ERC1: variants seen among roughly 807,000 people sequenced by gnomAD.
The protein encoded by ERC1 is RAB6 interacting protein 2.
ERC1 carries 56 observed loss-of-function variants against 132.0 expected under a neutral mutation model. The observed-to-expected ratio is 0.42, with a 90% CI of 0.34 to 0.53. ERC1 has a LOEUF of 0.53. ERC1 is among the 20% of genes least tolerant of loss of function. The pLI is 0.03. For missense variants in ERC1, 1,202 were observed against 1,349.9 expected (o/e 0.89, Z 1.72); for synonymous variants, 478 against 476.1 (o/e 1.00, Z -0.05).
intron 17 of ERC1, among the ~76,000 whole-genome samples, chr12:1,435,598 G>A (rs937171325): frequency 3.3e-5 from 5 of 152,064 alleles, no homozygotes; most frequent in African/African-American, 7.2e-5. Context: ...CAAAGTTCTT[G>A]GGCCACTATT....
chr12:1,115,601 C>A, intron 6 of ERC1: 1 of 331,280 alleles, frequency 3.0e-6, no homozygotes, highest in South Asian at 5.2e-5. Flanking sequence ...CCTCCATTCC[C>A]TTTCTAAGAG....
At chr12:1,460,073 A>C (rs1316102791) in intron 18 of ERC1, among the ~76,000 whole-genome samples, 1 of 152,212 alleles carries the variant, frequency 6.6e-6, no homozygotes, top group Non-Finnish European at 1.5e-5. Context: ...AATAGACTTA[A>C]AGATTTCTGT....
intron 13 of ERC1, among the ~76,000 whole-genome samples, chr12:1,256,131 T>A: frequency 6.6e-6 from 1 of 152,164 alleles, no homozygotes; most frequent in East Asian, 1.9e-4. Context: ...CTTTGTAGAT[T>A]CTGGATATTA....
intron 8 of ERC1, among the ~76,000 whole-genome samples, chr12:1,167,936 G>T (rs1408226410): frequency 1.3e-5 from 2 of 151,788 alleles, no homozygotes; most frequent in African/African-American, 2.4e-5. Context: ...GGATGCTCTC[G>T]ATCTCCTGAC....
At chr12:1,122,576 T>TTG in intron 7 of ERC1, among the ~76,000 whole-genome samples, 1 of 136,200 alleles carries the variant, frequency 7.3e-6, no homozygotes, top group African/African-American at 3.1e-5. Flanking sequence ...TCTGTGTCTC[T>TTG]ATCTCTATCT....
chr12:1,488,789 A>G (rs150949195), intron 18 of ERC1, among the ~76,000 whole-genome samples: 161 of 152,286 alleles, frequency 1.1e-3, no homozygotes, highest in African/African-American at 3.4e-3. Flanking sequence ...ATTGTCAGAA[A>G]TGATTCTCCA....
chr12:1,312,865 A>G (rs1566561234), intron 15 of ERC1, among the ~76,000 whole-genome samples: 1 of 152,026 alleles, frequency 6.6e-6, no homozygotes, highest in African/African-American at 2.4e-5. Context: ...TCCTGCAGCC[A>G]CTTTCACTGT....
chr12:1,035,894 C>T (rs981609868), intron 2 of ERC1, among the ~76,000 whole-genome samples: 4 of 151,452 alleles, frequency 2.6e-5, no homozygotes, highest in African/African-American at 7.3e-5. Context: ...TGCACTCCAG[C>T]CTGGGAGACA....
rs913032027 is a variant in ERC1, at chr12:1,263,072, G to A, written c.2526G>A (p.Leu842=). The part of the protein sequence containing the change: ...LRKKDDRIEE[L]EEALRESVQI... ...AGAAGGATGACAGGATTGAAGAGCT[G>A]GAAGAAGCACTAAGAGAAAGTGTAC... Residue 842 remains leucine (L), a synonymous_variant, in exon 14 of 19, where the codon CTG becomes CTA. Coordinates refer to ENST00000360905, the MANE Select transcript of ERC1 (RefSeq NM_178040.4). 6.8e-6 allele frequency: 11 copies of A among 1,613,902 alleles called. No individual in the cohort carries two copies. The highest frequency in any genetic ancestry group is 9.3e-6 in the Non-Finnish European group (11 of 1,179,962).
At chr12:995,519 G>C (rs548794855) in intron 1 of ERC1, among the ~76,000 whole-genome samples, 145 of 152,252 alleles carry the variant, frequency 9.5e-4, no homozygotes, top group African/African-American at 3.1e-3. Flanking sequence ...GTAATTCATG[G>C]AGCATGTTTG....
chr12:1,400,678 A>T (rs1324783442), intron 16 of ERC1, among the ~76,000 whole-genome samples: 2 of 152,088 alleles, frequency 1.3e-5, no homozygotes, highest in Non-Finnish European at 2.9e-5. Flanking sequence ...CCATGGGATG[A>T]AAAGAGTATT....
At chr12:1,309,819 C>T (rs778752931) in intron 15 of ERC1, among the ~76,000 whole-genome samples, 7 of 151,800 alleles carry the variant, frequency 4.6e-5, no homozygotes, top group Non-Finnish European at 7.4e-5. Flanking sequence ...TGGCCTTCAC[C>T]ATTTCCTGTC....
At position 1,346,810 on chromosome 12, in the gene ERC1, C is replaced by T. The variant is rs529465612; in HGVS notation, c.2781-25023C>T. On this transcript the variant is annotated intron_variant, in intron 15 of 18. Transcript: ENST00000360905. ...ACAAAAAATTAGCCGGGCGCGGTGG[C>T]GGGCGCCTGTAGTCCCAGCTACTGG... Among the ~76,000 whole-genome samples the T allele has an allele frequency of 3.8e-3, 572 of 150,634 alleles. 3 individuals carry two copies. Among genetic ancestry groups the T allele is most frequent in the Middle Eastern group, 0.031 (9 of 290 alleles).
At chr12:1,480,780 C>G in intron 18 of ERC1, 2 of 701,074 alleles carry the variant, frequency 2.9e-6, no homozygotes, top group Non-Finnish European at 5.2e-6. Flanking sequence ...AAGAATATCT[C>G]GAGTAATACC....
chr12:1,141,276 C>G (rs556145702), intron 7 of ERC1, among the ~76,000 whole-genome samples: 3 of 152,174 alleles, frequency 2.0e-5, no homozygotes, highest in African/African-American at 7.2e-5. Context: ...CTTTTTTTCC[C>G]TTTTCCTCAT....
chr12:1,039,803 A>G (rs1969861609), intron 2 of ERC1, among the ~76,000 whole-genome samples: 1 of 152,174 alleles, frequency 6.6e-6, no homozygotes, highest in South Asian at 2.1e-4. Context: ...AATGTTGGGG[A>G]ACTCACTTTT....
At chr12:1,312,375 T>C (rs1431597486) in intron 15 of ERC1, among the ~76,000 whole-genome samples, 1 of 152,110 alleles carries the variant, frequency 6.6e-6, no homozygotes, top group East Asian at 1.9e-4. Flanking sequence ...CTCAGAGAAG[T>C]AAAGCAATTT....
chr12:1,321,573 A>C (rs1286350852), intron 15 of ERC1, among the ~76,000 whole-genome samples: 2 of 152,198 alleles, frequency 1.3e-5, no homozygotes, highest in African/African-American at 2.4e-5. Flanking sequence ...CGAGACCTCT[A>C]AAGCTTGTTC....
At chr12:1,148,358 A>G (rs936586950) in intron 8 of ERC1, among the ~76,000 whole-genome samples, 1 of 152,100 alleles carries the variant, frequency 6.6e-6, no homozygotes, top group Non-Finnish European at 1.5e-5. Flanking sequence ...CACGTCTTAC[A>G]TGGCAACAGG....
Sources: allele counts gnomAD v4.1 joint callset (sites outside exome capture counted in the v4.1 genomes callset), GRCh38; gene constraint gnomAD v4.1.1; transcripts MANE v1.5; gene names NCBI Gene and HGNC (gene_info 2026-07-23, HGNC 2026-07-21).